Variants in GRIK4 observed in about 807,000 individuals in gnomAD.
The protein encoded by GRIK4 is glutamate receptor ionotropic, kainate 4.
GRIK4 carries 40 observed loss-of-function variants against 104.9 expected under a neutral mutation model. The ratio of observed to expected loss-of-function variants is 0.38; its 90% CI spans 0.30 to 0.50. The LOEUF (loss-of-function observed/expected upper bound fraction) is 0.50, where lower values mean the gene tolerates loss of function less well. Among genes scored for constraint, GRIK4 ranks in the 20% least tolerant of loss-of-function variants. The pLI is 0.93. For missense variants in GRIK4, 1,047 were observed against 1,308.1 expected (o/e 0.80, Z 3.08); for synonymous variants, 485 against 524.9 (o/e 0.92, Z 1.04).
At chr11:120,931,109 G>A (rs1943472582) in intron 13 of GRIK4, among the ~76,000 whole-genome samples, 2 of 152,206 alleles carry the variant, frequency 1.3e-5, no homozygotes, top group Admixed American at 1.3e-4. Context: ...AACGAGCTGG[G>A]AGAGGATATC....
At chr11:120,559,278 A>T (rs969754559) in intron 1 of GRIK4, among the ~76,000 whole-genome samples, 3 of 152,284 alleles carry the variant, frequency 2.0e-5, no homozygotes, top group Admixed American at 2.0e-4. Flanking sequence ...CGCTTCGGCT[A>T]ATCTCTTGGC....
chr11:120,922,247 G>A (rs1206850964), intron 13 of GRIK4, among the ~76,000 whole-genome samples: 1 of 152,220 alleles, frequency 6.6e-6, no homozygotes, highest in African/African-American at 2.4e-5. Flanking sequence ...AGGCTCTGAG[G>A]TCAACTAACT....
At chr11:120,874,659 G>T (rs76339983) in intron 10 of GRIK4, among the ~76,000 whole-genome samples, 4,000 of 152,294 alleles carry the variant, frequency 0.026, 165 homozygotes, top group African/African-American at 0.09. Context: ...TTCCTCTGGT[G>T]GGTGAATGAG....
At chr11:120,666,149 G>A (rs1172680914) in intron 3 of GRIK4, among the ~76,000 whole-genome samples, 1 of 152,214 alleles carries the variant, frequency 6.6e-6, no homozygotes, top group African/African-American at 2.4e-5. Flanking sequence ...TTGTGCCATG[G>A]TTTGTGGTGT....
intron 3 of GRIK4, among the ~76,000 whole-genome samples, chr11:120,769,217 C>T (rs1319904414): frequency 6.6e-6 from 1 of 151,840 alleles, no homozygotes; most frequent in African/African-American, 2.4e-5. Context: ...TCTTTATTTG[C>T]TATTGGTCTG....
intron 13 of GRIK4, among the ~76,000 whole-genome samples, chr11:120,923,553 C>T (rs1277006768): frequency 5.9e-5 from 9 of 151,858 alleles, no homozygotes; most frequent in Admixed American, 5.2e-4. Context: ...GCTGGGACTA[C>T]AGGCACCCAC....
intron 3 of GRIK4, among the ~76,000 whole-genome samples, chr11:120,673,981 G>A (rs1385416784): frequency 3.3e-5 from 5 of 152,120 alleles, no homozygotes; most frequent in South Asian, 2.1e-4. Context: ...TGTGCCTACC[G>A]TTCTAGCTCT....
chr11:120,853,783 T>C (rs755421280), intron 8 of GRIK4, among the ~76,000 whole-genome samples: 9 of 152,244 alleles, frequency 5.9e-5, no homozygotes, highest in Non-Finnish European at 1.3e-4. Flanking sequence ...TAGAATCGTT[T>C]AGTGTTTCAG....
intron 1 of GRIK4, among the ~76,000 whole-genome samples, chr11:120,520,361 G>C (rs549125598): frequency 9.7e-4 from 148 of 152,340 alleles, no homozygotes; most frequent in African/African-American, 3.4e-3. Flanking sequence ...TCCTTCCCTT[G>C]GCCTGATTTC....
intron 1 of GRIK4, among the ~76,000 whole-genome samples, chr11:120,525,074 T>A (rs1250084812): frequency 6.6e-6 from 1 of 152,086 alleles, no homozygotes; most frequent in Non-Finnish European, 1.5e-5. Context: ...ATGCCTGCAG[T>A]GCTGGGTCCA....
At chr11:120,539,512 C>T (rs1948010589) in intron 1 of GRIK4, among the ~76,000 whole-genome samples, 1 of 152,206 alleles carries the variant, frequency 6.6e-6, no homozygotes, top group South Asian at 2.1e-4. Flanking sequence ...GTTCAGTGCT[C>T]TTCCCAGGAC....
intron 1 of GRIK4, among the ~76,000 whole-genome samples, chr11:120,628,603 A>G (rs1949289837): frequency 6.6e-6 from 1 of 152,168 alleles, no homozygotes; most frequent in African/African-American, 2.4e-5. Flanking sequence ...ATGATGACAC[A>G]AGGGTTAGCA....
At chr11:120,730,282 C>G (rs1951105570) in intron 3 of GRIK4, among the ~76,000 whole-genome samples, 1 of 152,090 alleles carries the variant, frequency 6.6e-6, no homozygotes, top group Admixed American at 6.6e-5. Context: ...CACTTTAGCC[C>G]AGGAGGCAGA....
chr11:120,541,034 C>T (rs996067851), intron 1 of GRIK4, among the ~76,000 whole-genome samples: 1 of 152,254 alleles, frequency 6.6e-6, no homozygotes, highest in Non-Finnish European at 1.5e-5. Flanking sequence ...GCCCCAGCCT[C>T]TCTCTCCAGC....
At chr11:120,806,993 G>A (rs1952724063) in intron 4 of GRIK4, among the ~76,000 whole-genome samples, 1 of 152,130 alleles carries the variant, frequency 6.6e-6, no homozygotes, top group Non-Finnish European at 1.5e-5. Context: ...CACTTGTAAA[G>A]CTTTCTCCAG....
intron 13 of GRIK4, among the ~76,000 whole-genome samples, chr11:120,923,673 A>G (rs1385861495): frequency 1.3e-5 from 2 of 152,230 alleles, no homozygotes; most frequent in Admixed American, 6.5e-5. Context: ...TCGGCCTCCC[A>G]AAGTGCTGGG....
intron 4 of GRIK4, among the ~76,000 whole-genome samples, chr11:120,813,672 A>G (rs765279522): frequency 4.6e-5 from 7 of 152,282 alleles, no homozygotes; most frequent in Non-Finnish European, 1.0e-4. Context: ...CCCCGTTCAG[A>G]TGATCACCTG....
chr11:120,620,693 T>C (rs1301134145), intron 1 of GRIK4, among the ~76,000 whole-genome samples: 2 of 152,176 alleles, frequency 1.3e-5, no homozygotes, highest in African/African-American at 4.8e-5. Flanking sequence ...GTTTAATTTT[T>C]TAAATAAATA....
rs375597657 is a variant in GRIK4, at chr11:120,665,165, TTA to T, written c.82+4767_82+4768del. 4.9e-4 allele frequency among the ~76,000 whole-genome samples: 75 copies of T among 152,184 alleles called. No homozygotes were observed. In the East Asian group the frequency reaches 0.011, roughly 22 times the overall value. On this transcript the variant is annotated intron_variant, in intron 3 of 20. Coordinates refer to ENST00000527524, the MANE Select transcript of GRIK4 (RefSeq NM_014619.5). ...TAAAAAACACCAGTTTCTTATCCTG[TTA>T]TGCTGTGTATTAAATACATCTAATC...
Sources: gnomAD v4.1 joint callset for allele counts (sites outside exome capture counted in the v4.1 genomes callset) on GRCh38, gnomAD v4.1.1 for gene constraint, MANE v1.5 for transcripts, NCBI Gene and HGNC (gene_info 2026-07-23, HGNC 2026-07-21) for gene names.